Variants in CSMD1 observed in about 807,000 individuals in gnomAD.
The protein encoded by CSMD1 is CUB and Sushi multiple domains 1.
In CSMD1, 213 loss-of-function variants were observed where a neutral mutation model predicts 417.5. The observed-to-expected ratio is 0.51, with a 90% CI of 0.46 to 0.57. CSMD1 has a LOEUF of 0.57. CSMD1 is among the 20% of genes least tolerant of loss of function. The pLI is 0.00. For missense variants in CSMD1, 6,923 were observed against 4,529.7 expected (o/e 1.53, Z -15.17); for synonymous variants, 2,862 against 1,736.8 (o/e 1.65, Z -16.11).
intron 2 of CSMD1, among the ~76,000 whole-genome samples, chr8:4,602,873 A>T (rs954733679): frequency 6.6e-6 from 1 of 151,942 alleles, no homozygotes. Context: ...TTATAATTAT[A>T]TAAATAATAA....
intron 5 of CSMD1, among the ~76,000 whole-genome samples, chr8:3,961,176 C>A (rs1490047063): frequency 6.6e-6 from 1 of 152,158 alleles, no homozygotes; most frequent in East Asian, 1.9e-4. Context: ...TTATCATTTT[C>A]TCTGCCTATA....
chr8:4,992,901 G>T (rs894596777), intron 1 of CSMD1, among the ~76,000 whole-genome samples: 4 of 152,212 alleles, frequency 2.6e-5, no homozygotes, highest in Non-Finnish European at 5.9e-5. Flanking sequence ...CATTCCCGCA[G>T]ACACCCCCTT....
chr8:3,294,036 C>T (rs1016192004), intron 25 of CSMD1, among the ~76,000 whole-genome samples: 1 of 152,002 alleles, frequency 6.6e-6, no homozygotes, highest in Non-Finnish European at 1.5e-5. Context: ...GTTAGTTTTC[C>T]TTCTAACAGT....
Position 3,765,180 on chromosome 8 carries a change from G to A in CSMD1, c.819-11138C>T, listed in dbSNP as rs188186808. 1.5e-4 allele frequency among the ~76,000 whole-genome samples: 23 copies of A among 152,120 alleles called. No homozygotes were observed. In the East Asian group the frequency reaches 1.7e-3, roughly 12 times the overall value. On this transcript the variant is annotated intron_variant, in intron 5 of 69. Coordinates refer to ENST00000635120, the MANE Select transcript of CSMD1 (RefSeq NM_033225.6). Reference sequence around the variant, plus strand: ...GCCTCATTTCTTATCACGCCCTTTCGTGAACCTTGTGTTCTGCCCATGTGG... The same window carrying A: ...GCCTCATTTCTTATCACGCCCTTTCATGAACCTTGTGTTCTGCCCATGTGG...
chr8:4,562,556 T>G (rs528429714), intron 2 of CSMD1, among the ~76,000 whole-genome samples: 1 of 152,244 alleles, frequency 6.6e-6, no homozygotes, highest in Non-Finnish European at 1.5e-5. Flanking sequence ...ATACATGAAA[T>G]GGAACAAAAA....
At chr8:4,521,966 C>A (rs745841980) in intron 2 of CSMD1, among the ~76,000 whole-genome samples, 3 of 152,244 alleles carry the variant, frequency 2.0e-5, no homozygotes, top group South Asian at 4.2e-4. Context: ...AGATAGCCTG[C>A]CTTTTTGTAT....
intron 23 of CSMD1, among the ~76,000 whole-genome samples, chr8:3,308,805 C>T (rs547207990): frequency 6.9e-6 from 1 of 145,772 alleles, no homozygotes; most frequent in African/African-American, 2.5e-5. Flanking sequence ...CTCACTGCAA[C>T]CTCCACCTCC....
chr8:3,980,233 T>C (rs183677082), intron 5 of CSMD1, among the ~76,000 whole-genome samples: 1 of 152,212 alleles, frequency 6.6e-6, no homozygotes, highest in African/African-American at 2.4e-5. Context: ...ACCATTGGCA[T>C]AGATGGGAAC....
intron 3 of CSMD1, among the ~76,000 whole-genome samples, chr8:4,277,189 T>A (rs973020058): frequency 1.5e-5 from 2 of 135,424 alleles, no homozygotes; most frequent in African/African-American, 5.2e-5. Context: ...ATATGTCATC[T>A]ACAGATAACA....
At chr8:3,946,617 T>A (rs1219049528) in intron 5 of CSMD1, among the ~76,000 whole-genome samples, 1 of 152,182 alleles carries the variant, frequency 6.6e-6, no homozygotes, top group African/African-American at 2.4e-5. Context: ...TGGAATTGTG[T>A]TGATCCTACA....
intron 1 of CSMD1, among the ~76,000 whole-genome samples, chr8:4,839,646 G>C (rs981964026): frequency 2.0e-5 from 3 of 152,112 alleles, no homozygotes; most frequent in Admixed American, 2.0e-4. Flanking sequence ...CTCACACATG[G>C]TTGGGCATGA....
intron 3 of CSMD1, among the ~76,000 whole-genome samples, chr8:4,257,413 G>T (rs958424195): frequency 1.3e-5 from 2 of 149,060 alleles, no homozygotes; most frequent in African/African-American, 5.2e-5. Flanking sequence ...TATAATCATG[G>T]ATTTGCACTT....
intron 40 of CSMD1, among the ~76,000 whole-genome samples, chr8:3,143,308 C>T (rs1430545711): frequency 3.3e-5 from 5 of 152,146 alleles, no homozygotes; most frequent in Admixed American, 6.5e-5. Flanking sequence ...TATTGTGTTA[C>T]GTGTGCAAAA....
At chr8:3,424,710 G>T (rs888148839) in intron 12 of CSMD1, among the ~76,000 whole-genome samples, 1 of 152,156 alleles carries the variant, frequency 6.6e-6, no homozygotes, top group African/African-American at 2.4e-5. Flanking sequence ...TATCAGGAAG[G>T]AATTGTCCTT....
chr8:4,839,545 A>T (rs936876196), intron 1 of CSMD1, among the ~76,000 whole-genome samples: 3 of 152,184 alleles, frequency 2.0e-5, no homozygotes, highest in Non-Finnish European at 2.9e-5. Flanking sequence ...TTTCCACAAG[A>T]ATGGACCACT....
At chr8:3,930,435 G>A (rs1405778177) in intron 5 of CSMD1, among the ~76,000 whole-genome samples, 4 of 150,622 alleles carry the variant, frequency 2.7e-5, no homozygotes, top group Non-Finnish European at 5.9e-5. Context: ...GTCAAAGCCT[G>A]TTCTTCTTCC....
intron 3 of CSMD1, among the ~76,000 whole-genome samples, chr8:4,222,367 GAATAAGAAGCTTCCATCTTATTCTGTA>G: frequency 2.2e-3 from 1 of 460 alleles, no homozygotes; most frequent in Non-Finnish European, 6.9e-3. Flanking sequence ...TCTGTAAACA[GAATAAGAAGCTTCCATCTTATTCTGTA>G]AACAGAATAA....
At chr8:4,289,307 G>A (rs1255722988) in intron 3 of CSMD1, among the ~76,000 whole-genome samples, 1 of 152,152 alleles carries the variant, frequency 6.6e-6, no homozygotes, top group African/African-American at 2.4e-5. Context: ...CATTATATAT[G>A]AGATTGCTAT....
In CSMD1 at chr8:4,031,569, A is replaced by G. The variant is rs530082986; in HGVS notation, c.610+336T>C. On this transcript the variant is annotated intron_variant, in intron 4 of 69. Transcript: ENST00000635120. Reference sequence around the variant, plus strand: ...CGTTCAACATGAGGTTTGGGTGAGGACAGAGCTAAATCATATCAGAAGTCA... The same window carrying G: ...CGTTCAACATGAGGTTTGGGTGAGGGCAGAGCTAAATCATATCAGAAGTCA... Among the ~76,000 whole-genome samples the G allele has an allele frequency of 9.2e-5, 14 of 152,280 alleles. No homozygotes were observed. In the South Asian group the frequency reaches 2.1e-3, roughly 23 times the overall value.
Sources: allele counts gnomAD v4.1 joint callset (sites outside exome capture counted in the v4.1 genomes callset), GRCh38; gene constraint gnomAD v4.1.1; transcripts MANE v1.5; gene names NCBI Gene and HGNC (gene_info 2026-07-23, HGNC 2026-07-21).